RET: variants seen among roughly 807,000 people sequenced by gnomAD.
RET encodes proto-oncogene tyrosine-protein kinase receptor Ret.
In RET, 19 loss-of-function variants were observed where a neutral mutation model predicts 118.3. That is an observed-to-expected ratio of 0.16 (90% CI 0.11 to 0.24). The LOEUF (loss-of-function observed/expected upper bound fraction) is 0.24. RET is among the 10% of genes least tolerant of loss of function. RET has a pLI of 1.00. For synonymous variants in RET, 597 were observed against 644.1 expected (o/e 0.93, Z 1.11); for missense variants, 1,219 against 1,502.1 (o/e 0.81, Z 3.12).
rs1020527976 is a variant in RET, at chr10:43,126,843, C to A, written c.3187+121C>A. 4.0e-6 allele frequency: 6 copies of A among 1,489,228 alleles called. No homozygotes were observed. The African/African-American group carries it at 8.5e-5, about 21-fold the overall frequency. The allele number at this position is 1,489,228 out of a possible 1,614,324, so 92.3% of individuals were successfully genotyped here. The stretch of plus-strand genomic sequence containing the variant: ...GAACAAAACCAAAGTCTGCTCTGAA[C>A]CTTTTTATTTGTAAATGTCTGACTT... On this transcript the variant is annotated intron_variant, in intron 19 of 19. Coordinates refer to ENST00000355710, the MANE Select transcript of RET (RefSeq NM_020975.6).
intron 15 of RET, 93 bp downstream of exon 15, chr10:43,120,296 A>G (rs1245973719): frequency 6.5e-7 from 1 of 1,538,856 alleles, no homozygotes; most frequent in Non-Finnish European, 8.9e-7. Context: ...AAAGATACCG[A>G]AGATTAGTGG....
chr10:43,121,842 C>A, intron 15 of RET, 104 bp from the exon 16 acceptor site: 1 of 851,666 alleles, frequency 1.2e-6, no homozygotes, highest in Non-Finnish European at 2.1e-6. Flanking sequence ...TACAGCACTC[C>A]TCTGGTTACT....
chr10:43,100,782 C>G (rs1000667184), intron 2 of RET, 60 bp downstream of exon 2: 2 of 1,515,232 alleles, frequency 1.3e-6, no homozygotes, highest in African/African-American at 2.8e-5. Context: ...TCAAGCCGCC[C>G]TTATCACAGC....
chr10:43,114,605 A>T lies in RET; in HGVS notation c.2005A>T (p.Ile669Phe), dbSNP rs776986585. 6.2e-7 allele frequency: 1 copy of T among 1,611,922 alleles called. No homozygotes were observed. The highest frequency in any genetic ancestry group is 1.1e-5 in the South Asian group (1 of 90,988). Residue 669 changes from isoleucine to phenylalanine, a missense_variant, in exon 11 of 20, where the codon ATC (isoleucine) becomes TTC (phenylalanine). Ile to Phe is a conservative substitution (Grantham distance 21). Transcript: ENST00000355710. The surrounding 1 kb of genome is among the most constrained non-coding windows in gnomAD (Gnocchi z 4.6). ...CCACAAGTTTGCCCACAAGCCACCC[A>T]TCTCCTCAGCTGAGATGACCTTCCG... Reference protein sequence around the residue: ...CYHKFAHKPPISSAEMTFRRP... With the variant: ...CYHKFAHKPPFSSAEMTFRRP...
In RET at chr10:43,128,618, A is replaced by G. The variant is rs1037744929; in HGVS notation, c.*349A>G. On this transcript the variant is annotated 3_prime_UTR_variant, in exon 20 of 20. Transcript: ENST00000355710. ...GGGTCCAACACTTACTACCTGGTGT[A>G]TGAAATTGGACCTGAACTGTTGGAT... The G allele has an allele frequency of 2.3e-6, 1 of 439,964 alleles. No individual in the cohort carries two copies. Among genetic ancestry groups the G allele is most frequent in the East Asian group, 4.0e-5 (1 of 25,282 alleles). The allele number at this position is 439,964 out of a possible 1,614,324, so 27.3% of individuals were successfully genotyped here.
At chr10:43,094,975 G>C (rs1025790321) in intron 1 of RET, among the ~76,000 whole-genome samples, 43 of 152,194 alleles carry the variant, frequency 2.8e-4, no homozygotes, top group African/African-American at 9.9e-4. Flanking sequence ...TGGTCCCTGA[G>C]ACAGGAGCAG....
chr10:43,109,299 A>T, intron 6 of RET, 69 bp downstream of exon 6: 2 of 1,498,260 alleles, frequency 1.3e-6, no homozygotes, highest in Admixed American at 1.8e-5. Flanking sequence ...ACAGGGAGGC[A>T]GGTGACACTG....
At chr10:43,089,361 T>C (rs546976851) in intron 1 of RET, among the ~76,000 whole-genome samples, 23 of 152,336 alleles carry the variant, frequency 1.5e-4, no homozygotes, top group Admixed American at 1.4e-3. Context: ...CTGCCTGTTT[T>C]CTTGGCCAGC....
At chr10:43,081,680 G>A (rs1399495365) in intron 1 of RET, among the ~76,000 whole-genome samples, 1 of 152,188 alleles carries the variant, frequency 6.6e-6, no homozygotes, top group Non-Finnish European at 1.5e-5. Context: ...GGGACTATGA[G>A]GTCAAATGGG....
rs1838399677 is a variant in RET, at chr10:43,129,357, A to G, written c.*1088A>G. The G allele has an allele frequency of 4.3e-6, 1 of 233,644 alleles. No individual in the cohort carries two copies. The highest frequency in any genetic ancestry group is 2.2e-5 in the African/African-American group (1 of 45,354). 14.5% of individuals were successfully genotyped at this position (233,644 alleles called of 1,614,324 possible). A position where few individuals can be genotyped will look rare whatever the true frequency, so the allele number is the denominator to read the frequency against. ...CCTCTGATTACAATTCTGATGTGAA[A>G]AAGATGGTGTTTGGCTCTTATAGAG... is the stretch of plus-strand genomic sequence containing the variant. On this transcript the variant is annotated 3_prime_UTR_variant, in exon 20 of 20. Coordinates refer to ENST00000355710, the MANE Select transcript of RET (RefSeq NM_020975.6).
At chr10:43,080,504 C>T (rs977769415) in intron 1 of RET, among the ~76,000 whole-genome samples, 3 of 152,206 alleles carry the variant, frequency 2.0e-5, no homozygotes, top group Admixed American at 1.3e-4. Context: ...AGAGAGGATG[C>T]GGGAGCTCCC....
At position 43,086,291 on chromosome 10, in the gene RET, T is replaced by G. The variant is rs548218386; in HGVS notation, c.73+8960T>G. Among the ~76,000 whole-genome samples, 3 of 152,326 alleles carry G rather than the reference T, an allele frequency of 2.0e-5. No homozygotes were observed. The East Asian group carries it at 5.8e-4, about 29-fold the overall frequency. On this transcript the variant is annotated intron_variant, in intron 1 of 19. Coordinates refer to ENST00000355710, the MANE Select transcript of RET (RefSeq NM_020975.6). ...GATGAAGCGCCCGGAGCAGACCTGC[T>G]CATGAGGAGCACACCGTGGATTCCT...
At position 43,102,509 on chromosome 10, in the gene RET, G is replaced by A. The variant is rs374514956; in HGVS notation, c.505G>A (p.Glu169Lys). ...SLKPRELCFP[E>K]TRPSFRIREN... ...CAAGCCCCGGGAGCTCTGCTTCCCA[G>A]AGACAAGGCCCTCCTTCCGCATTCG... The change falls in exon 3 of 20, where the codon GAG (glutamate) becomes AAG (lysine). Residue 169 changes from glutamate (E) to lysine (K), a missense_variant. Glu to Lys is a moderately conservative substitution (Grantham distance 56, BLOSUM62 1). Around this residue, in one of 5 missense-constraint regions of RET, gnomAD observed 850 missense variants for 969.6 expected, o/e 0.88. Transcript: ENST00000355710. The A allele has an allele frequency of 3.1e-6, 5 of 1,614,222 alleles. No individual in the cohort carries two copies. The highest frequency in any genetic ancestry group is 2.2e-5 in the East Asian group (1 of 44,874).
intron 14 of RET, 61 bp downstream of exon 14, chr10:43,119,806 G>A (rs954221709): frequency 5.3e-4 from 819 of 1,538,684 alleles, no homozygotes; most frequent in Non-Finnish European, 6.8e-4. Context: ...GACCCACCAC[G>A]CCCCTGCCAC....
chr10:43,102,497 C>A lies in RET; in HGVS notation c.493C>A (p.Leu165Ile). The A allele has an allele frequency of 6.2e-7, 1 of 1,614,210 alleles. No homozygotes were observed. The highest frequency in any genetic ancestry group is 8.5e-7 in the Non-Finnish European group (1 of 1,180,038). The change falls in exon 3 of 20, where the codon CTC (leucine) becomes ATC (isoleucine). Residue 165 changes from leucine (L) to isoleucine (I), a missense_variant. This residue lies in a region of RET where 850 missense variants were observed against 969.6 expected (regional missense o/e 0.88). Coordinates refer to ENST00000355710, the MANE Select transcript of RET (RefSeq NM_020975.6). ...CTGCAGCTCCCTCAAGCCCCGGGAGCTCTGCTTCCCAGAGACAAGGCCCTC... is the reference window on the plus strand; with the variant it reads ...CTGCAGCTCCCTCAAGCCCCGGGAGATCTGCTTCCCAGAGACAAGGCCCTC... Reference protein sequence around the residue: ...PACSSLKPRELCFPETRPSFR... With the variant: ...PACSSLKPREICFPETRPSFR...
intron 1 of RET, among the ~76,000 whole-genome samples, chr10:43,087,063 G>A (rs1019048462): frequency 1.2e-4 from 19 of 152,256 alleles, no homozygotes; most frequent in African/African-American, 4.3e-4. Flanking sequence ...GGTGTGCAGC[G>A]GGAATTCTGG....
intron 1 of RET, 150 bp from the exon 2 acceptor site, chr10:43,100,309 C>G (rs2132653562): frequency 1.1e-6 from 1 of 892,072 alleles, no homozygotes; most frequent in South Asian, 1.5e-5. Context: ...CCGTGTGTAA[C>G]TATACAAATA....
chr10:43,113,214 A>G (rs1837981836), intron 9 of RET, among the ~76,000 whole-genome samples: 1 of 152,206 alleles, frequency 6.6e-6, no homozygotes, highest in African/African-American at 2.4e-5. Flanking sequence ...AGATTTCAGA[A>G]GCAGAGAATG....
In RET at chr10:43,079,694, C is replaced by T. The variant is rs562632352; in HGVS notation, c.73+2363C>T. 6.6e-5 allele frequency among the ~76,000 whole-genome samples: 10 copies of T among 152,204 alleles called. No individual in the cohort carries two copies. The East Asian group carries it at 1.4e-3, about 21-fold the overall frequency. ...ACATTCCCTCTCTGCCCCTGGGCCC[C>T]GGGGCCTTCTGTTCCCAGCATGGAA... On this transcript the variant is annotated intron_variant, in intron 1 of 19. Transcript: ENST00000355710.
Sources: allele counts gnomAD v4.1 joint callset (sites outside exome capture counted in the v4.1 genomes callset), GRCh38; gene constraint gnomAD v4.1.1; regional missense constraint gnomAD v4.1.1; non-coding constraint Gnocchi (gnomAD v3.1); transcripts MANE v1.5; gene names NCBI Gene and HGNC (gene_info 2026-07-23, HGNC 2026-07-21).